HTT: variants seen among roughly 807,000 people sequenced by gnomAD.
The protein encoded by HTT is huntingtin.
Under a neutral mutation model 362.3 loss-of-function variants are expected in HTT, and 104 were observed. The ratio of observed to expected loss-of-function variants is 0.29; its 90% CI spans 0.24 to 0.34. The LOEUF (loss-of-function observed/expected upper bound fraction) is 0.34. Among genes scored for constraint, HTT ranks in the 10% least tolerant of loss-of-function variants. The pLI is 1.00. For synonymous variants in HTT, 1,577 were observed against 1,548.7 expected (o/e 1.02, Z -0.43); for missense variants, 3,301 against 3,928.6 (o/e 0.84, Z 4.27).
intron 54 of HTT, 104 bp downstream of exon 54, chr4:3,222,591 C>T (rs1411631697): frequency 7.4e-6 from 6 of 810,434 alleles, no homozygotes; most frequent in Non-Finnish European, 1.2e-5. Flanking sequence ...CTTTTTTTCT[C>T]TTACCTTATT....
At position 3,217,813 on chromosome 4, in the gene HTT, A is replaced by T. The variant is rs1044397637; in HGVS notation, c.7103A>T (p.Glu2368Val). 5 of 1,614,150 alleles carry T rather than the reference A, an allele frequency of 3.1e-6. No homozygotes were observed. In the Admixed American group the frequency reaches 8.3e-5, roughly 27 times the overall value. ...AACEMVAEMV[E>V]SLQSVLALGH... ...TGTGAGATGGTGGCAGAAATGGTGGAGTCTCTGCAGTCGGTGTTGGCCTTG... is the reference window on the plus strand; with the variant it reads ...TGTGAGATGGTGGCAGAAATGGTGGTGTCTCTGCAGTCGGTGTTGGCCTTG... Residue 2368 changes from glutamate to valine, a missense_variant, in exon 52 of 67, where the codon GAG (glutamate) becomes GTG (valine). Around this residue, in one of 4 missense-constraint regions of HTT, gnomAD observed 753 missense variants for 1,021.3 expected, o/e 0.74. Transcript: ENST00000355072.
Position 3,116,116 on chromosome 4 carries a change from C to T in HTT, c.921C>T (p.Ser307=), listed in dbSNP as rs1715014250. ...TCGTTCCTGTCGAGGATGAACACTCCACTCTGCTGATTCTTGGCGTGCTGC... is the reference window on the plus strand; with the variant it reads ...TCGTTCCTGTCGAGGATGAACACTCTACTCTGCTGATTCTTGGCGTGCTGC... ...GLLVPVEDEH[S]TLLILGVLLT... Residue 307 remains serine (S), a synonymous_variant, in exon 8 of 67, where the codon TCC becomes TCT. Transcript: ENST00000355072. 3 of 1,613,136 alleles carry T rather than the reference C, an allele frequency of 1.9e-6. No homozygotes were observed. The African/African-American group carries it at 4.0e-5, about 22-fold the overall frequency.
chr4:3,183,846 T>G (rs1260620068), intron 37 of HTT, among the ~76,000 whole-genome samples: 2 of 152,180 alleles, frequency 1.3e-5, no homozygotes, highest in Non-Finnish European at 2.9e-5. Flanking sequence ...ATGAAACGCT[T>G]AGTGCAGCAC....
At position 3,205,695 on chromosome 4, in the gene HTT, A is replaced by G. The variant is rs573421819; in HGVS notation, c.5719-801A>G. Among the ~76,000 whole-genome samples the G allele has an allele frequency of 2.3e-4, 35 of 152,314 alleles. 1 individual carries two copies. Among genetic ancestry groups the G allele is most frequent in the Admixed American group, 2.2e-3 (33 of 15,300 alleles). ...TTTTCGGATTTAGGGAGCTCAACAA[A>G]TAAGTATAATGCACATATTTCAAAA... is the stretch of plus-strand genomic sequence containing the variant. On this transcript the variant is annotated intron_variant, in intron 42 of 66. Coordinates refer to ENST00000355072, the MANE Select transcript of HTT (RefSeq NM_001388492.1).
intron 49 of HTT, chr4:3,213,038 A>G (rs957023137): frequency 7.2e-6 from 2 of 279,398 alleles, no homozygotes; most frequent in African/African-American, 4.3e-5. Context: ...ATGTCAGCCA[A>G]GGAATACTTA....
At chr4:3,207,442 G>A in intron 45 of HTT, 85 bp downstream of exon 45, 1 of 1,162,486 alleles carries the variant, frequency 8.6e-7, no homozygotes, top group South Asian at 1.3e-5. Context: ...AAATTCACAG[G>A]ACAAGAAATC....
At chr4:3,152,026 C>T (rs1361525457) in intron 26 of HTT, among the ~76,000 whole-genome samples, 1 of 151,982 alleles carries the variant, frequency 6.6e-6, no homozygotes, top group Non-Finnish European at 1.5e-5. Flanking sequence ...CTCCCAGGCT[C>T]AAGTGATCCT....
chr4:3,165,531 A>G (rs1410721560), intron 29 of HTT, among the ~76,000 whole-genome samples: 3 of 152,154 alleles, frequency 2.0e-5, no homozygotes, highest in Non-Finnish European at 2.9e-5. Flanking sequence ...TATTCTCCCC[A>G]TCACTTTCAG....
At chr4:3,186,503 A>C in intron 37 of HTT, 94 bp from the exon 38 acceptor site, 1 of 1,368,428 alleles carries the variant, frequency 7.3e-7, no homozygotes, top group Non-Finnish European at 1.0e-6. Flanking sequence ...TGAGATGATT[A>C]TGATGATTTG....
intron 21 of HTT, among the ~76,000 whole-genome samples, chr4:3,139,050 G>A (rs1396015697): frequency 6.6e-6 from 1 of 152,188 alleles, no homozygotes; most frequent in African/African-American, 2.4e-5. Flanking sequence ...ACATTTTGGT[G>A]CATATTCTTT....
At position 3,240,727 on chromosome 4, in the gene HTT, G is replaced by T. The variant is rs1721767134; in HGVS notation, c.*668G>T. ...TGCTGCATGCGACAGCGTCCGGGGTGGTGGACAGGGCCCCCGGCCACGCTC... is the reference window on the plus strand; with the variant it reads ...TGCTGCATGCGACAGCGTCCGGGGTTGTGGACAGGGCCCCCGGCCACGCTC... On this transcript the variant is annotated 3_prime_UTR_variant, in exon 67 of 67. Coordinates refer to ENST00000355072, the MANE Select transcript of HTT (RefSeq NM_001388492.1). 6.5e-6 allele frequency: 1 copy of T among 153,114 alleles called. No homozygotes were observed. The highest frequency in any genetic ancestry group is 2.4e-5 in the African/African-American group (1 of 41,460). The allele number at this position is 153,114 out of a possible 1,614,324, so 9.5% of individuals were successfully genotyped here. A position where few individuals can be genotyped will look rare whatever the true frequency, so the allele number is the denominator to read the frequency against.
intron 50 of HTT, 77 bp from the exon 51 acceptor site, chr4:3,215,033 A>G: frequency 8.2e-7 from 1 of 1,222,628 alleles, no homozygotes; most frequent in Non-Finnish European, 1.2e-6. Context: ...GTGAGGCTGC[A>G]CAAATGTAAA....
At position 3,074,745 on chromosome 4, in the gene HTT, C is replaced by G. The variant is rs1225428176; in HGVS notation, c.-81C>G. The G allele has an allele frequency of 5.7e-6, 8 of 1,413,686 alleles. No homozygotes were observed. Among genetic ancestry groups the G allele is most frequent in the East Asian group, 3.0e-5 (1 of 33,614 alleles). The allele number at this position is 1,413,686 out of a possible 1,614,324, so 87.6% of individuals were successfully genotyped here. A position where few individuals can be genotyped will look rare whatever the true frequency, so the allele number is the denominator to read the frequency against. On this transcript the variant is annotated 5_prime_UTR_variant, in exon 1 of 67. Transcript: ENST00000355072. ...CTGCTTTTACCTGCGGCCCAGAGCC[C>G]CATTCATTGCCCCGGTGCTGAGCGG...
At chr4:3,169,003 A>G (rs188055070) in intron 29 of HTT, among the ~76,000 whole-genome samples, 1 of 143,566 alleles carries the variant, frequency 7.0e-6, no homozygotes, top group East Asian at 2.0e-4. Context: ...ATTTTAGGCC[A>G]TTCTTTCTTT....
At chr4:3,091,152 A>G (rs1435284024) in intron 2 of HTT, among the ~76,000 whole-genome samples, 1 of 152,190 alleles carries the variant, frequency 6.6e-6, no homozygotes, top group Non-Finnish European at 1.5e-5. Context: ...CAACACTAAT[A>G]TGGTGAGACT....
intron 6 of HTT, chr4:3,113,019 C>T (rs115382258): frequency 1.4e-5 from 14 of 977,212 alleles, no homozygotes; most frequent in Non-Finnish European, 1.7e-5. Flanking sequence ...TTTAATGATT[C>T]ATGCATCTCT....
At chr4:3,203,702 G>A (rs363111) in intron 41 of HTT, among the ~76,000 whole-genome samples, 16 of 152,350 alleles carry the variant, frequency 1.1e-4, no homozygotes, top group African/African-American at 3.8e-4. Context: ...AACATAGCCA[G>A]TGTGAGTTCT....
chr4:3,212,322 T>C (rs1454760340), intron 48 of HTT, among the ~76,000 whole-genome samples, 180 bp downstream of exon 48: 2 of 152,228 alleles, frequency 1.3e-5, no homozygotes, highest in African/African-American at 2.4e-5. Flanking sequence ...TGTTTGCCAC[T>C]TTGCCATTCA....
At chr4:3,086,372 T>C (rs1324144395) in intron 1 of HTT, among the ~76,000 whole-genome samples, 1 of 152,126 alleles carries the variant, frequency 6.6e-6, no homozygotes, top group African/African-American at 2.4e-5. Context: ...TTCTTCTCTC[T>C]ATAATGGGGG....
Sources: allele counts gnomAD v4.1 joint callset (sites outside exome capture counted in the v4.1 genomes callset), GRCh38; gene constraint gnomAD v4.1.1; regional missense constraint gnomAD v4.1.1; transcripts MANE v1.5; gene names NCBI Gene and HGNC (gene_info 2026-07-23, HGNC 2026-07-21).